Variants in SYT9 observed in about 807,000 individuals in gnomAD.
SYT9 encodes the protein synaptotagmin-9.
SYT9 carries 22 observed loss-of-function variants against 48.4 expected under a neutral mutation model. The ratio of observed to expected loss-of-function variants is 0.45; its 90% CI spans 0.32 to 0.65. The LOEUF is 0.65. Among genes scored for constraint, SYT9 ranks in the 30% least tolerant of loss-of-function variants. The pLI, the probability that SYT9 is intolerant of heterozygous loss-of-function variation, is 0.03. For missense variants in SYT9, 577 were observed against 622.0 expected (o/e 0.93, Z 0.77); for synonymous variants, 265 against 245.0 (o/e 1.08, Z -0.76).
intron 1 of SYT9, among the ~76,000 whole-genome samples, chr11:7,244,462 G>A (rs1403513702): frequency 6.6e-6 from 1 of 152,218 alleles, no homozygotes. Context: ...GGCTATTGAT[G>A]CCCAAGATGA....
chr11:7,399,870 A>G (rs1406935077), intron 3 of SYT9, among the ~76,000 whole-genome samples: 1 of 152,250 alleles, frequency 6.6e-6, no homozygotes, highest in African/African-American at 2.4e-5. Flanking sequence ...TGCATGGATC[A>G]TCAGGGACAT....
At chr11:7,386,347 A>G (rs1850656954) in intron 3 of SYT9, among the ~76,000 whole-genome samples, 1 of 152,070 alleles carries the variant, frequency 6.6e-6, no homozygotes, top group Non-Finnish European at 1.5e-5. Flanking sequence ...AACTACCATC[A>G]GAGTGAACAG....
At chr11:7,310,470 G>A (rs1415997738) in intron 2 of SYT9, among the ~76,000 whole-genome samples, 5 of 128,190 alleles carry the variant, frequency 3.9e-5, no homozygotes, top group Admixed American at 1.8e-4. Context: ...TTTTTGAGAC[G>A]GAGTCTCACC....
intron 6 of SYT9, 23 bp from the exon 7 acceptor site, chr11:7,466,769 T>C (rs1348572304): frequency 8.7e-6 from 14 of 1,610,292 alleles, no homozygotes; most frequent in Non-Finnish European, 1.2e-5. Flanking sequence ...GCCAAATTAT[T>C]TTTTTGTTTT....
chr11:7,285,125 T>A (rs1848573033), intron 1 of SYT9, among the ~76,000 whole-genome samples: 1 of 152,172 alleles, frequency 6.6e-6, no homozygotes, highest in African/African-American at 2.4e-5. Context: ...CATAGGAATT[T>A]GGGAGCTAAA....
chr11:7,394,488 G>T lies in SYT9; in HGVS notation c.1045-21554G>T, dbSNP rs183315423. ...TTGGGTATATACCCAGTAATGGGAT[G>T]GCTGGGTCAAATGGTATTTCTAGTT... On this transcript the variant is annotated intron_variant, in intron 3 of 6. Transcript: ENST00000318881. Among the ~76,000 whole-genome samples, 691 of 152,234 alleles carry T rather than the reference G, an allele frequency of 4.5e-3. 3 individuals carry two copies. Among genetic ancestry groups the T allele is most frequent in the Non-Finnish European group, 6.3e-3 (430 of 67,998 alleles).
At chr11:7,346,294 G>T (rs538484074) in intron 3 of SYT9, among the ~76,000 whole-genome samples, 1 of 152,204 alleles carries the variant, frequency 6.6e-6, no homozygotes, top group South Asian at 2.1e-4. Context: ...ACAGCTAAGA[G>T]CCAGTAGTGG....
At chr11:7,384,062 C>CCACACA (rs3086255) in intron 3 of SYT9, among the ~76,000 whole-genome samples, 19 of 149,626 alleles carry the variant, frequency 1.3e-4, no homozygotes, top group African/African-American at 3.7e-4. Context: ...AATTCACTAG[C>CCACACA]CACACACACA....
At chr11:7,414,634 C>A (rs979870022) in intron 3 of SYT9, among the ~76,000 whole-genome samples, 1 of 149,270 alleles carries the variant, frequency 6.7e-6, no homozygotes, top group Non-Finnish European at 1.5e-5. Context: ...GCTCCAGGAA[C>A]CAGCAAAGCC....
At chr11:7,449,393 T>G (rs1342423746) in intron 6 of SYT9, among the ~76,000 whole-genome samples, 6 of 138,798 alleles carry the variant, frequency 4.3e-5, no homozygotes, top group African/African-American at 1.7e-4. Flanking sequence ...CTGAGGTGCA[T>G]AGATGCATGG....
intron 6 of SYT9, chr11:7,438,473 T>TTAA (rs1847758158): frequency 6.6e-6 from 1 of 152,306 alleles, no homozygotes; most frequent in African/African-American, 2.4e-5. Context: ...GGACCCAGCA[T>TTAA]TAATGCAGTG....
intron 6 of SYT9, among the ~76,000 whole-genome samples, chr11:7,443,718 T>A (rs1248038999): frequency 6.6e-6 from 1 of 152,266 alleles, no homozygotes; most frequent in East Asian, 1.9e-4. Flanking sequence ...AAGTGAAGGA[T>A]AATTCAAGAG....
chr11:7,462,483 A>T (rs895336821), intron 6 of SYT9, among the ~76,000 whole-genome samples: 2 of 149,380 alleles, frequency 1.3e-5, no homozygotes, highest in African/African-American at 5.0e-5. Flanking sequence ...GAGAGGAAGT[A>T]AAAAAAAAAT....
At chr11:7,251,706 T>G (rs1847870083), upstream of SYT9, among the ~76,000 whole-genome samples, 1 of 152,106 alleles carries the variant, frequency 6.6e-6, no homozygotes, top group African/African-American at 2.4e-5. Flanking sequence ...GAGCGCGCAC[T>G]CACTCACACT....
chr11:7,308,100 T>A lies in SYT9; in HGVS notation c.497+4710T>A, dbSNP rs16924621. 3.9e-5 allele frequency among the ~76,000 whole-genome samples: 6 copies of A among 152,334 alleles called. No homozygotes were observed. The East Asian group carries it at 7.7e-4, about 20-fold the overall frequency. On this transcript the variant is annotated intron_variant, in intron 2 of 6. Transcript: ENST00000318881. ...CCAGGATTTCCCCTTCTTCTGTGTC[T>A]GCCTGTGGTTCAGGAAAACCTAACT...
intron 3 of SYT9, among the ~76,000 whole-genome samples, chr11:7,381,243 C>G (rs1447149685): frequency 6.6e-6 from 1 of 151,956 alleles, no homozygotes; most frequent in Non-Finnish European, 1.5e-5. Context: ...TATGTGAGTC[C>G]AATAGCCTAA....
At chr11:7,266,744 A>C (rs1848191470) in intron 1 of SYT9, among the ~76,000 whole-genome samples, 1 of 152,040 alleles carries the variant, frequency 6.6e-6, no homozygotes, top group Admixed American at 6.6e-5. Flanking sequence ...CTTTGTTGTA[A>C]AATGTGATGT....
chr11:7,302,983 A>G lies in SYT9; in HGVS notation c.146-56A>G, dbSNP rs147321995. On this transcript the variant is annotated intron_variant, in intron 1 of 6. Transcript: ENST00000318881. ...AGGGTCATTCTGCCCACGCTGTGCA[A>G]TGGGTGGGCTTGAGGGGAATGACCA... 98 of 1,485,976 alleles carry G rather than the reference A, an allele frequency of 6.6e-5. No individual in the cohort carries two copies. In the East Asian group the frequency reaches 2.1e-3, roughly 32 times the overall value. 92.0% of individuals were successfully genotyped at this position (1,485,976 alleles called of 1,614,324 possible).
chr11:7,399,177 C>T (rs1385809311), intron 3 of SYT9, among the ~76,000 whole-genome samples: 2 of 152,136 alleles, frequency 1.3e-5, no homozygotes, highest in African/African-American at 4.8e-5. Flanking sequence ...ACTGGATGAT[C>T]ATATAAGTAT....
Sources: gnomAD v4.1 joint callset for allele counts (sites outside exome capture counted in the v4.1 genomes callset) on GRCh38, gnomAD v4.1.1 for gene constraint, MANE v1.5 for transcripts, NCBI Gene and HGNC (gene_info 2026-07-23, HGNC 2026-07-21) for gene names.